MAP4: variants seen among roughly 807,000 people sequenced by gnomAD.
The protein encoded by MAP4 is microtubule-associated protein 4.
MAP4 carries 76 observed loss-of-function variants against 170.2 expected under a neutral mutation model. The observed-to-expected ratio is 0.45, with a 90% CI of 0.37 to 0.54. The LOEUF is 0.54. Ranked by LOEUF, MAP4 falls within the 20% of genes least tolerant of loss-of-function variation. MAP4 has a pLI of 0.00. For synonymous variants in MAP4, 909 were observed against 994.5 expected (o/e 0.91, Z 1.62); for missense variants, 2,506 against 2,748.0 (o/e 0.91, Z 1.97).
At chr3:48,009,528 T>A (rs1018493651) in intron 1 of MAP4, among the ~76,000 whole-genome samples, 1 of 152,240 alleles carries the variant, frequency 6.6e-6, no homozygotes, top group African/African-American at 2.4e-5. Flanking sequence ...GGTCTTACCA[T>A]GCTCTCCATC....
intron 3 of MAP4, chr3:47,973,545 T>C: frequency 1.0e-6 from 1 of 984,862 alleles, no homozygotes; most frequent in Non-Finnish European, 1.2e-6. Flanking sequence ...TCAACAATTC[T>C]GTAAGTTCAA....
At chr3:47,936,912 G>A (rs1227916152) in intron 3 of MAP4, among the ~76,000 whole-genome samples, 1 of 151,204 alleles carries the variant, frequency 6.6e-6, no homozygotes, top group Non-Finnish European at 1.5e-5. Context: ...CCCGGGAGGT[G>A]GAGGTTGCAG....
At chr3:48,026,222 C>T (rs554629834) in intron 1 of MAP4, among the ~76,000 whole-genome samples, 1 of 152,286 alleles carries the variant, frequency 6.6e-6, no homozygotes, top group African/African-American at 2.4e-5. Context: ...GTTTATACTT[C>T]CACTTAATCA....
At chr3:47,861,652 A>G (rs2066226544) in intron 17 of MAP4, among the ~76,000 whole-genome samples, 1 of 151,768 alleles carries the variant, frequency 6.6e-6, no homozygotes, top group Non-Finnish European at 1.5e-5. Flanking sequence ...CGCCCAGCCA[A>G]GACTCTGTCT....
chr3:47,937,040 T>C (rs1281399791), intron 3 of MAP4, among the ~76,000 whole-genome samples: 2 of 151,752 alleles, frequency 1.3e-5, no homozygotes, highest in Non-Finnish European at 2.9e-5. Context: ...GTTCTAATCT[T>C]GACTCTGCCA....
At position 47,996,737 on chromosome 3, in the gene MAP4, G is replaced by GACACACACACACAC. The variant is rs57673370; in HGVS notation, c.223+1887_223+1900dup. ...GATCCAGCATTCAATCAAAAACTAA[G>GACACACACACACAC]ACACACACACACACACACACACACA... On this transcript the variant is annotated intron_variant, in intron 2 of 20. Transcript: ENST00000683076. 4.3e-3 allele frequency among the ~76,000 whole-genome samples: 624 copies of GACACACACACACAC among 146,536 alleles called. 4 individuals carry two copies. Among genetic ancestry groups the GACACACACACACAC allele is most frequent in the African/African-American group, 0.014 (536 of 39,176 alleles).
intron 4 of MAP4, among the ~76,000 whole-genome samples, chr3:47,923,638 C>T (rs371108616): frequency 2.1e-5 from 3 of 141,258 alleles, no homozygotes; most frequent in African/African-American, 7.9e-5. Context: ...AAAAAAAAAA[C>T]AAACCCTTAT....
At chr3:47,928,078 A>G (rs1274842513) in intron 4 of MAP4, 150 bp downstream of exon 4, 1 of 864,286 alleles carries the variant, frequency 1.2e-6, no homozygotes, top group Non-Finnish European at 1.8e-6. Context: ...GGAAAGGATA[A>G]ATGAAGAAGA....
At chr3:47,949,959 G>T (rs1183005256) in intron 3 of MAP4, among the ~76,000 whole-genome samples, 1 of 152,198 alleles carries the variant, frequency 6.6e-6, no homozygotes, top group Non-Finnish European at 1.5e-5. Context: ...GCACCACCCA[G>T]AGCAGCTTCC....
intron 3 of MAP4, among the ~76,000 whole-genome samples, chr3:47,936,593 T>C (rs957486572): frequency 6.6e-6 from 1 of 151,848 alleles, no homozygotes. Flanking sequence ...CACGTAACAT[T>C]GAGGAAATCT....
intron 7 of MAP4, among the ~76,000 whole-genome samples, chr3:47,915,584 G>A (rs2100038312): frequency 1.3e-5 from 2 of 152,118 alleles, no homozygotes; most frequent in African/African-American, 4.8e-5. Context: ...AATGAGGAGA[G>A]GTTGGTCTTA....
In MAP4 at chr3:47,875,781, G is replaced by A; in HGVS notation, c.5661C>T (p.Ser1887=). The change falls in exon 12 of 21, where the codon AGC becomes AGT. Residue 1887 remains serine (S), a synonymous_variant. Coordinates refer to ENST00000683076, the MANE Select transcript of MAP4 (RefSeq NM_001385682.1). ...TIGGLNKKPM[S]LASGLVPAAP... ...CAGCTGGCACTAAGCCTGAAGCAAGGCTCATGGGTTTTTTATTCAACCCAC... is the reference window on the plus strand; with the variant it reads ...CAGCTGGCACTAAGCCTGAAGCAAGACTCATGGGTTTTTTATTCAACCCAC... 6.2e-7 allele frequency: 1 copy of A among 1,614,108 alleles called. No homozygotes were observed. The highest frequency in any genetic ancestry group is 8.5e-7 in the Non-Finnish European group (1 of 1,180,030).
intron 2 of MAP4, among the ~76,000 whole-genome samples, chr3:47,986,736 A>G (rs911585620): frequency 5.3e-5 from 8 of 152,196 alleles, no homozygotes; most frequent in African/African-American, 1.9e-4. Context: ...GTTATGAGAT[A>G]AAAGTCTGTT....
At chr3:47,890,775 A>G (rs1042361616) in intron 10 of MAP4, among the ~76,000 whole-genome samples, 2 of 152,172 alleles carry the variant, frequency 1.3e-5, no homozygotes, top group Non-Finnish European at 2.9e-5. Context: ...ATTCCACCCC[A>G]AACTTGCACA....
intron 3 of MAP4, among the ~76,000 whole-genome samples, chr3:47,938,516 G>C (rs1456194186): frequency 6.6e-6 from 1 of 152,158 alleles, no homozygotes; most frequent in Non-Finnish European, 1.5e-5. Context: ...TAAGGACACA[G>C]ATGTGTGCCA....
intron 1 of MAP4, among the ~76,000 whole-genome samples, chr3:48,004,424 T>C (rs1183187764): frequency 6.6e-6 from 1 of 152,188 alleles, no homozygotes; most frequent in African/African-American, 2.4e-5. Context: ...CCAACGAACA[T>C]AATGAAGCTG....
intron 4 of MAP4, 120 bp from the exon 5 acceptor site, chr3:47,921,998 A>T (rs2100043180): frequency 3.4e-6 from 2 of 592,218 alleles, no homozygotes; most frequent in Non-Finnish European, 3.0e-6. Flanking sequence ...CCAAGGCTGG[A>T]GTGCAGTGGT....
chr3:47,907,216 C>G (rs1012343110), intron 9 of MAP4, among the ~76,000 whole-genome samples: 2 of 152,094 alleles, frequency 1.3e-5, no homozygotes, highest in Non-Finnish European at 2.9e-5. Context: ...GTATACGTCT[C>G]ATTTATATGA....
chr3:47,864,503 C>T (rs1305207855), intron 17 of MAP4, among the ~76,000 whole-genome samples: 5 of 152,066 alleles, frequency 3.3e-5, no homozygotes, highest in African/African-American at 4.8e-5. Context: ...GGTGAAACCC[C>T]GTCTCTACTA....
Sources: allele counts gnomAD v4.1 joint callset (sites outside exome capture counted in the v4.1 genomes callset), GRCh38; gene constraint gnomAD v4.1.1; transcripts MANE v1.5; gene names NCBI Gene and HGNC (gene_info 2026-07-23, HGNC 2026-07-21).